PXDNL: variants seen among roughly 807,000 people sequenced by gnomAD.
PXDNL encodes peroxidasin like, also known as probable oxidoreductase PXDNL.
A neutral mutation model predicts 150.8 loss-of-function variants in PXDNL; 145 were observed. The observed-to-expected ratio is 0.96, with a 90% CI of 0.84 to 1.10. The LOEUF is 1.10. Ranked by LOEUF, PXDNL falls within the 50% of genes least tolerant of loss-of-function variation. The pLI is 0.00. For missense variants in PXDNL, 2,087 were observed against 1,873.9 expected (o/e 1.11, Z -2.10); for synonymous variants, 757 against 725.7 (o/e 1.04, Z -0.69).
At chr8:51,533,244 G>A (rs1415641446) in intron 4 of PXDNL, among the ~76,000 whole-genome samples, 1 of 151,966 alleles carries the variant, frequency 6.6e-6, no homozygotes, top group Non-Finnish European at 1.5e-5. Context: ...TCTGCCTCCT[G>A]GGTTCAAGTG....
intron 2 of PXDNL, among the ~76,000 whole-genome samples, chr8:51,600,653 TTA>T (rs892087908): frequency 1.4e-5 from 2 of 138,378 alleles, no homozygotes; most frequent in African/African-American, 5.2e-5. Context: ...AGATAATAAA[TTA>T]TATCTTATAT....
intron 17 of PXDNL, among the ~76,000 whole-genome samples, chr8:51,392,195 T>A (rs1326139965): frequency 1.3e-5 from 2 of 152,242 alleles, no homozygotes; most frequent in Non-Finnish European, 2.9e-5. Flanking sequence ...TTTGTTCTTT[T>A]GGCTTAGGAT....
intron 17 of PXDNL, among the ~76,000 whole-genome samples, chr8:51,398,272 G>A (rs1044831872): frequency 3.3e-5 from 5 of 152,198 alleles, no homozygotes; most frequent in Non-Finnish European, 7.3e-5. Flanking sequence ...AGCTGCACTC[G>A]AGGCTGCCAT....
At chr8:51,496,535 C>T (rs7827475) in intron 5 of PXDNL, among the ~76,000 whole-genome samples, 48,736 of 151,942 alleles carry the variant, frequency 0.32, 8,708 homozygotes, top group African/African-American at 0.47. Context: ...AAAACCCCGT[C>T]GTCTCAGCCC....
chr8:51,599,443 A>G (rs1036999612), intron 2 of PXDNL, among the ~76,000 whole-genome samples: 1 of 151,356 alleles, frequency 6.6e-6, no homozygotes, highest in South Asian at 2.1e-4. Context: ...TATTTCCAAT[A>G]ATTTTTTGAT....
intron 1 of PXDNL, among the ~76,000 whole-genome samples, chr8:51,702,641 C>T (rs1450348252): frequency 6.6e-6 from 1 of 152,110 alleles, no homozygotes; most frequent in African/African-American, 2.4e-5. Flanking sequence ...GCCTCAATCT[C>T]CCCATCTATC....
Position 51,556,904 on chromosome 8 carries a change from A to G in PXDNL, c.316T>C (p.Tyr106His). Residue 106 changes from tyrosine to histidine, a missense_variant, in exon 4 of 23, where the codon TAT (tyrosine) becomes CAT (histidine). Transcript: ENST00000356297. ...TCTAGTGCATGGATTTCATTCTTAT[A>G]CAGGTACCTGGAAAATATATAGAAT... ...GLENLLYLYL[Y>H]KNEIHALDKQ... 6.5e-7 allele frequency: 1 copy of G among 1,548,020 alleles called. No individual in the cohort carries two copies. The highest frequency in any genetic ancestry group is 1.7e-5 in the Admixed American group (1 of 59,674).
intron 2 of PXDNL, among the ~76,000 whole-genome samples, chr8:51,624,206 A>C (rs1374921494): frequency 6.6e-6 from 1 of 151,926 alleles, no homozygotes; most frequent in African/African-American, 2.4e-5. Flanking sequence ...AGTGACTCTG[A>C]AGATCCACCT....
In PXDNL at chr8:51,408,948, G is replaced by A. The variant is rs962045966; in HGVS notation, c.2676C>T (p.Ala892=). The A allele has an allele frequency of 1.2e-6, 2 of 1,612,882 alleles. No individual in the cohort carries two copies. The highest frequency in any genetic ancestry group is 1.1e-5 in the South Asian group (1 of 91,068). The part of the protein sequence containing the change: ...YAREQINQQT[A]YIDGSNVYGS... ...CGTAAACGTTGGAGCCATCGATGTA[G>A]GCTGTTTGCTGGTTGATCTGCTCTC... The change falls in exon 17 of 23, where the codon GCC becomes GCT. Residue 892 remains alanine (A), a synonymous_variant. Coordinates refer to ENST00000356297, the MANE Select transcript of PXDNL (RefSeq NM_144651.5).
intron 4 of PXDNL, among the ~76,000 whole-genome samples, chr8:51,501,946 G>A (rs1811193336): frequency 6.6e-6 from 1 of 152,222 alleles, no homozygotes; most frequent in Non-Finnish European, 1.5e-5. Context: ...CAAGTGAAAT[G>A]TATCGCATGG....
chr8:51,655,833 C>T (rs892908653), intron 1 of PXDNL, among the ~76,000 whole-genome samples: 53 of 152,164 alleles, frequency 3.5e-4, no homozygotes, highest in African/African-American at 1.1e-3. Flanking sequence ...CTCAAGAAAG[C>T]GCCAGCCTAG....
rs10560519 is a variant in PXDNL, at chr8:51,652,378, A to ATC, written c.236+2309_236+2310dup. Among the ~76,000 whole-genome samples, 374 of 141,758 alleles carry ATC rather than the reference A, an allele frequency of 2.6e-3. 1 individual carries two copies. Among genetic ancestry groups the ATC allele is most frequent in the African/African-American group, 7.7e-3 (292 of 37,724 alleles). The allele number at this position is 141,758 out of a possible 152,430, so 93.0% of individuals were successfully genotyped here. A position where few individuals can be genotyped will look rare whatever the true frequency, so the allele number is the denominator to read the frequency against. On this transcript the variant is annotated intron_variant, in intron 2 of 22. Coordinates refer to ENST00000356297, the MANE Select transcript of PXDNL (RefSeq NM_144651.5). The stretch of plus-strand genomic sequence containing the variant: ...TGCTTAACTCATTTTCTAGACAGAA[A>ATC]TCTCTCTCTCTCTCTCTCTCTCTCT...
At chr8:51,389,701 G>C (rs1807831810) in intron 17 of PXDNL, among the ~76,000 whole-genome samples, 1 of 152,098 alleles carries the variant, frequency 6.6e-6, no homozygotes, top group African/African-American at 2.4e-5. Context: ...CCATTTGTTT[G>C]AGCTTCTTTA....
intron 1 of PXDNL, among the ~76,000 whole-genome samples, chr8:51,720,833 T>C (rs1425300154): frequency 1.3e-5 from 2 of 152,256 alleles, no homozygotes; most frequent in African/African-American, 2.4e-5. Flanking sequence ...ACTGGCCCTG[T>C]GCAGGCTCCT....
rs536961608 is a variant in PXDNL, at chr8:51,679,138, TA to T, written c.165-24379del. On this transcript the variant is annotated intron_variant, in intron 1 of 22. Coordinates refer to ENST00000356297, the MANE Select transcript of PXDNL (RefSeq NM_144651.5). Reference sequence around the variant, plus strand: ...GAAAAAACTGGCACTTTTCCCATTCTAAAGTTATAAGCATTCCTTCTTCCTT... The same window carrying T: ...GAAAAAACTGGCACTTTTCCCATTCTAAGTTATAAGCATTCCTTCTTCCTT... Among the ~76,000 whole-genome samples, 23 of 152,356 alleles carry T rather than the reference TA, an allele frequency of 1.5e-4. 2 individuals are homozygous for T. In the South Asian group the frequency reaches 4.8e-3, roughly 32 times the overall value.
intron 21 of PXDNL, among the ~76,000 whole-genome samples, chr8:51,327,711 G>A (rs1805557078): frequency 6.6e-6 from 1 of 152,152 alleles, no homozygotes; most frequent in South Asian, 2.1e-4. Flanking sequence ...TTTGTGTTCA[G>A]AAATATGAGT....
Position 51,739,863 on chromosome 8 carries a change from G to A in PXDNL, c.164+69318C>T, listed in dbSNP as rs1354397567. ...TGCACTCCAGCCTGAGAAAAAGAGC[G>A]AGATTCTGTCTCAAAAAAAAAAAAA... is the stretch of plus-strand genomic sequence containing the variant. On this transcript the variant is annotated intron_variant, in intron 1 of 22. Coordinates refer to ENST00000356297, the MANE Select transcript of PXDNL (RefSeq NM_144651.5). 2.2e-4 allele frequency among the ~76,000 whole-genome samples: 25 copies of A among 115,342 alleles called. 1 individual carries two copies. Among genetic ancestry groups the A allele is most frequent in the South Asian group, 3.3e-4 (1 of 3,020 alleles). The allele number at this position is 115,342 out of a possible 152,430, so 75.7% of individuals were successfully genotyped here. A position where few individuals can be genotyped will look rare whatever the true frequency, so the allele number is the denominator to read the frequency against.
In PXDNL at chr8:51,374,901, C is replaced by G. The variant is rs371019094; in HGVS notation, c.3558-170G>C. Among the ~76,000 whole-genome samples, 56 of 152,324 alleles carry G rather than the reference C, an allele frequency of 3.7e-4. 1 individual carries two copies. The highest frequency in any genetic ancestry group is 1.2e-3 in the African/African-American group (50 of 41,576). ...GAAAGCACTCAAATGAAGGAACCCT[C>G]AGGGATCACCCCATAGGCAGGAGGC... On this transcript the variant is annotated intron_variant, in intron 17 of 22. Coordinates refer to ENST00000356297, the MANE Select transcript of PXDNL (RefSeq NM_144651.5).
At chr8:51,357,024 A>G (rs1383702103) in intron 19 of PXDNL, among the ~76,000 whole-genome samples, 1 of 152,204 alleles carries the variant, frequency 6.6e-6, no homozygotes, top group African/African-American at 2.4e-5. Context: ...ATAAGCTCTG[A>G]GTCAACTTGT....
Sources: allele counts gnomAD v4.1 joint callset (sites outside exome capture counted in the v4.1 genomes callset), GRCh38; gene constraint gnomAD v4.1.1; transcripts MANE v1.5; gene names NCBI Gene and HGNC (gene_info 2026-07-23, HGNC 2026-07-21).